Variants in EIF3E observed in about 807,000 individuals in gnomAD.
The protein encoded by EIF3E is eIF-3 p48.
Under a neutral mutation model 59.3 loss-of-function variants are expected in EIF3E, and 25 were observed. The observed-to-expected ratio is 0.42, with a 90% CI of 0.31 to 0.59. EIF3E has a LOEUF of 0.59. Ranked by LOEUF, EIF3E falls within the 20% of genes least tolerant of loss-of-function variation. The pLI is 0.15. For missense variants in EIF3E, 317 were observed against 534.3 expected (o/e 0.59, Z 4.01); for synonymous variants, 176 against 170.2 (o/e 1.03, Z -0.26).
intron 2 of EIF3E, among the ~76,000 whole-genome samples, chr8:108,241,427 G>C (rs953325991): frequency 2.6e-5 from 4 of 151,528 alleles, no homozygotes; most frequent in African/African-American, 9.7e-5. Flanking sequence ...TACACTAGAT[G>C]CCTCAAAATT....
intron 10 of EIF3E, among the ~76,000 whole-genome samples, chr8:108,212,596 GT>G (rs1815233206): frequency 6.6e-6 from 1 of 152,208 alleles, no homozygotes; most frequent in Non-Finnish European, 1.5e-5. Context: ...GAGGCCAGGA[GT>G]TCAAGACAAG....
intron 4 of EIF3E, among the ~76,000 whole-genome samples, 178 bp from the exon 5 acceptor site, chr8:108,235,280 A>G (rs903534661): frequency 6.6e-6 from 1 of 152,150 alleles, no homozygotes. Flanking sequence ...AGCTTTTGGG[A>G]GACTTTTATA....
chr8:108,245,326 G>A (rs1480477348), intron 1 of EIF3E, among the ~76,000 whole-genome samples: 1 of 152,014 alleles, frequency 6.6e-6, no homozygotes, highest in Non-Finnish European at 1.5e-5. Context: ...AAAATCAGCC[G>A]GACATGGTGG....
intron 7 of EIF3E, among the ~76,000 whole-genome samples, chr8:108,222,426 T>A (rs773718011): frequency 6.6e-6 from 1 of 152,154 alleles, no homozygotes; most frequent in Non-Finnish European, 1.5e-5. Flanking sequence ...TGTGTATGCA[T>A]CTATATATAG....
rs115497737 is a variant in EIF3E, at chr8:108,204,991, C to A, written c.1062-1488G>T. On this transcript the variant is annotated intron_variant, in intron 10 of 12. Coordinates refer to ENST00000220849, the MANE Select transcript of EIF3E (RefSeq NM_001568.3). Reference sequence around the variant, plus strand: ...ACCAGTCTTAGTAAATAGGTTAAGTCAGTTCCGCTGATGGAAGAGTACCTA... The same window carrying A: ...ACCAGTCTTAGTAAATAGGTTAAGTAAGTTCCGCTGATGGAAGAGTACCTA... 2.3e-3 allele frequency among the ~76,000 whole-genome samples: 352 copies of A among 152,098 alleles called. 1 individual carries two copies. The highest frequency in any genetic ancestry group is 7.9e-3 in the African/African-American group (329 of 41,482).
intron 10 of EIF3E, among the ~76,000 whole-genome samples, chr8:108,209,705 A>G (rs1815171970): frequency 6.6e-6 from 1 of 152,206 alleles, no homozygotes; most frequent in Non-Finnish European, 1.5e-5. Flanking sequence ...GATACATAGC[A>G]TATTTGCCGT....
chr8:108,237,691 C>T (rs1214170353), intron 3 of EIF3E, among the ~76,000 whole-genome samples: 2 of 152,160 alleles, frequency 1.3e-5, no homozygotes, highest in Non-Finnish European at 2.9e-5. Context: ...AGGTGTATTA[C>T]AATACTGATT....
chr8:108,229,947 A>G (rs1249361835), intron 5 of EIF3E, among the ~76,000 whole-genome samples: 1 of 152,150 alleles, frequency 6.6e-6, no homozygotes, highest in Non-Finnish European at 1.5e-5. Context: ...ATCCGCTGGT[A>G]AAAGAGTCAC....
chr8:108,236,761 C>T (rs1427321958), intron 3 of EIF3E, among the ~76,000 whole-genome samples: 1 of 152,150 alleles, frequency 6.6e-6, no homozygotes, highest in Non-Finnish European at 1.5e-5. Flanking sequence ...GTGACTGATA[C>T]CTGTAATCCC....
rs1352991476 is a variant in EIF3E at position 108,241,903 on chromosome 8, T to A, written c.101A>T (p.Glu34Val). The A allele has an allele frequency of 6.4e-7, 1 of 1,570,260 alleles. No homozygotes were observed. The highest frequency in any genetic ancestry group is 1.4e-5 in the African/African-American group (1 of 72,982). Reference protein sequence around the residue: ...EFLSVKEIYNEKELLQGKLDL... With the variant: ...EFLSVKEIYNVKELLQGKLDL... ...CAATTTACCTTGTAATAATTCCTTT[T>A]CATTATATATCTGCAAAAGAAGATA... The change falls in exon 2 of 13, where the codon GAA (glutamate) becomes GTA (valine). Residue 34 changes from glutamate to valine, a missense_variant. Glu to Val is a moderately radical substitution (Grantham distance 121). Transcript: ENST00000220849.
chr8:108,202,030 G>T, intron 12 of EIF3E, 107 bp from the exon 13 acceptor site: 1 of 1,022,928 alleles, frequency 9.8e-7, no homozygotes, highest in Non-Finnish European at 1.4e-6. Flanking sequence ...ATAGTCTCTT[G>T]CCAAACCATT....
chr8:108,245,732 G>C (rs1412353427), intron 1 of EIF3E, among the ~76,000 whole-genome samples: 1 of 152,114 alleles, frequency 6.6e-6, no homozygotes, highest in African/African-American at 2.4e-5. Flanking sequence ...ATAAAGAAGA[G>C]TGAGAAACAA....
At chr8:108,202,843 T>C (rs1563625027) in intron 12 of EIF3E, 140 bp downstream of exon 12, 2 of 998,948 alleles carry the variant, frequency 2.0e-6, no homozygotes, top group Non-Finnish European at 2.7e-6. Context: ...AAATTTTCTG[T>C]TTAGTAATTT....
At chr8:108,230,968 C>T (rs1815612348) in intron 5 of EIF3E, among the ~76,000 whole-genome samples, 1 of 152,098 alleles carries the variant, frequency 6.6e-6, no homozygotes, top group Admixed American at 6.5e-5. Flanking sequence ...ACAGGCAAAA[C>T]TAATCTACAG....
At chr8:108,240,568 C>G (rs1243815880) in intron 2 of EIF3E, among the ~76,000 whole-genome samples, 1 of 152,182 alleles carries the variant, frequency 6.6e-6, no homozygotes, top group Non-Finnish European at 1.5e-5. Context: ...CTCTTTTAAC[C>G]ACAAATCCAG....
At chr8:108,216,044 A>G (rs1382872561) in intron 9 of EIF3E, among the ~76,000 whole-genome samples, 1 of 152,326 alleles carries the variant, frequency 6.6e-6, no homozygotes, top group Non-Finnish European at 1.5e-5. Context: ...ATTCAAAGTG[A>G]CCTTGCCTGT....
intron 2 of EIF3E, among the ~76,000 whole-genome samples, chr8:108,240,979 CAA>C (rs36025931): frequency 6.1e-5 from 9 of 147,212 alleles, no homozygotes; most frequent in Admixed American, 2.0e-4. Flanking sequence ...GACTCCATCT[CAA>C]AAAAAAAAAG....
chr8:108,216,683 T>C (rs538777348), intron 8 of EIF3E, among the ~76,000 whole-genome samples, 170 bp from the exon 9 acceptor site: 33 of 152,254 alleles, frequency 2.2e-4, no homozygotes, highest in African/African-American at 7.9e-4. Flanking sequence ...GACCACACCT[T>C]AAGCTTATTA....
intron 7 of EIF3E, chr8:108,228,010 T>C (rs1815551130): frequency 3.4e-6 from 1 of 292,398 alleles, no homozygotes; most frequent in Admixed American, 5.0e-5. Flanking sequence ...AGTCCTGAGA[T>C]TCTATATGAT....
Sources: gnomAD v4.1 joint callset for allele counts (sites outside exome capture counted in the v4.1 genomes callset) on GRCh38, gnomAD v4.1.1 for gene constraint, MANE v1.5 for transcripts, NCBI Gene and HGNC (gene_info 2026-07-23, HGNC 2026-07-21) for gene names.